ALK: variants seen among roughly 807,000 people sequenced by gnomAD.
The protein encoded by ALK is ALK tyrosine kinase receptor.
A neutral mutation model predicts 163.1 loss-of-function variants in ALK; 74 were observed. That is an observed-to-expected ratio of 0.45 (90% CI 0.38 to 0.55). The LOEUF (loss-of-function observed/expected upper bound fraction) is 0.55. Ranked by LOEUF, ALK falls within the 20% of genes least tolerant of loss-of-function variation. The pLI is 0.00. For synonymous variants in ALK, 960 were observed against 843.2 expected (o/e 1.14, Z -2.40); for missense variants, 2,063 against 2,105.3 (o/e 0.98, Z 0.39).
chr2:29,813,058 G>T (rs1241293823), intron 1 of ALK, among the ~76,000 whole-genome samples: 1 of 152,196 alleles, frequency 6.6e-6, no homozygotes, highest in Non-Finnish European at 1.5e-5. Context: ...GCTCCATTAA[G>T]AGATAAACTT....
intron 7 of ALK, among the ~76,000 whole-genome samples, 199 bp from the exon 8 acceptor site, chr2:29,318,603 G>A (rs909597916): frequency 1.3e-5 from 2 of 148,612 alleles, no homozygotes; most frequent in Non-Finnish European, 3.0e-5. Context: ...GTCTTGCTCT[G>A]TAGCTCAGAC....
chr2:29,607,246 G>A (rs530299661), intron 3 of ALK, among the ~76,000 whole-genome samples: 5 of 152,190 alleles, frequency 3.3e-5, no homozygotes, highest in South Asian at 2.1e-4. Context: ...CCTCCTTGAC[G>A]GGCGTGGTAA....
At chr2:29,915,322 C>T (rs1262159766) in intron 1 of ALK, among the ~76,000 whole-genome samples, 1 of 152,240 alleles carries the variant, frequency 6.6e-6, no homozygotes, top group Non-Finnish European at 1.5e-5. Flanking sequence ...AAACCTCCAA[C>T]TCCCAGGTTC....
intron 3 of ALK, among the ~76,000 whole-genome samples, chr2:29,583,218 A>C (rs1192019017): frequency 3.3e-5 from 5 of 151,904 alleles, no homozygotes; most frequent in Admixed American, 2.0e-4. Flanking sequence ...TGTTCCTTCC[A>C]CTACACTTTG....
chr2:29,818,544 C>G (rs1006425468), intron 1 of ALK, among the ~76,000 whole-genome samples: 1 of 152,274 alleles, frequency 6.6e-6, no homozygotes, highest in Non-Finnish European at 1.5e-5. Context: ...AGCTCTGGAG[C>G]CTCAATCTGC....
At chr2:29,905,956 A>G (rs1480472016) in intron 1 of ALK, among the ~76,000 whole-genome samples, 1 of 152,148 alleles carries the variant, frequency 6.6e-6, no homozygotes, top group African/African-American at 2.4e-5. Flanking sequence ...TTCTCATCTC[A>G]GAGAAGGAGG....
intron 1 of ALK, among the ~76,000 whole-genome samples, chr2:29,900,665 C>T (rs1458144139): frequency 5.3e-5 from 8 of 152,212 alleles, no homozygotes; most frequent in African/African-American, 7.2e-5. Context: ...GCCATCTACA[C>T]GCCCTTGACT....
intron 5 of ALK, among the ~76,000 whole-genome samples, chr2:29,369,919 G>A (rs1452093549): frequency 6.6e-6 from 1 of 152,168 alleles, no homozygotes; most frequent in Non-Finnish European, 1.5e-5. Context: ...GAATAGAATG[G>A]AGAAAAAGGC....
chr2:29,246,265 C>T lies in ALK; in HGVS notation c.2204+4840G>A, dbSNP rs73920752. Among the ~76,000 whole-genome samples the T allele has an allele frequency of 0.012, 1,850 of 151,544 alleles. 33 individuals carry two copies. The highest frequency in any genetic ancestry group is 0.042 in the African/African-American group (1,723 of 41,212). ...AAAGAAGTCAGGGAGAGAGAGGGGG[C>T]GGGCTGGGCTGAGTGCTGGCGCCTC... On this transcript the variant is annotated intron_variant, in intron 12 of 28. Coordinates refer to ENST00000389048, the MANE Select transcript of ALK (RefSeq NM_004304.5). The surrounding 1 kb of genome is among the most constrained non-coding windows in gnomAD (Gnocchi z 4.3).
chr2:29,253,437 A>G (rs574196715), intron 11 of ALK, among the ~76,000 whole-genome samples: 20 of 152,280 alleles, frequency 1.3e-4, no homozygotes, highest in Admixed American at 1.2e-3. Context: ...ACATATTAAA[A>G]GAAGCAAAGG....
intron 3 of ALK, among the ~76,000 whole-genome samples, chr2:29,673,454 T>C (rs1208801394): frequency 3.7e-5 from 5 of 133,938 alleles, no homozygotes; most frequent in Admixed American, 1.5e-4. Context: ...CCATTGCTTG[T>C]TTTTCTCAGG....
chr2:29,314,550 G>A (rs1002011716), intron 8 of ALK, among the ~76,000 whole-genome samples: 2 of 152,042 alleles, frequency 1.3e-5, no homozygotes, highest in Non-Finnish European at 2.9e-5. Flanking sequence ...CTGCAGCTCT[G>A]GCCAGGTAGG....
chr2:29,317,857 G>A (rs1438042083), intron 8 of ALK, among the ~76,000 whole-genome samples: 1 of 152,226 alleles, frequency 6.6e-6, no homozygotes, highest in African/African-American at 2.4e-5. Flanking sequence ...AACCATTTGA[G>A]AGAGTAGTTT....
At chr2:29,426,409 G>C (rs1424924819) in intron 4 of ALK, among the ~76,000 whole-genome samples, 1 of 152,134 alleles carries the variant, frequency 6.6e-6, no homozygotes, top group Non-Finnish European at 1.5e-5. Context: ...AAAGCAGCAA[G>C]AGAAAAATGA....
chr2:29,467,066 C>T (rs1175302007), intron 4 of ALK, among the ~76,000 whole-genome samples: 1 of 152,066 alleles, frequency 6.6e-6, no homozygotes, highest in Non-Finnish European at 1.5e-5. Flanking sequence ...GCTGGCAATA[C>T]CCATTCACCT....
intron 4 of ALK, among the ~76,000 whole-genome samples, chr2:29,475,485 A>T (rs1179858745): frequency 6.6e-6 from 1 of 151,882 alleles, no homozygotes; most frequent in African/African-American, 2.4e-5. Context: ...GAATCCTTCA[A>T]TCTCCAGGTC....
At chr2:29,332,667 T>C (rs1292573553) in intron 5 of ALK, among the ~76,000 whole-genome samples, 3 of 152,234 alleles carry the variant, frequency 2.0e-5, no homozygotes, top group East Asian at 3.8e-4. Context: ...ATAATTTAGG[T>C]TGTATCACAA....
rs541936129 is a variant in ALK at position 29,612,504 on chromosome 2, T to C, written c.953-80388A>G. Among the ~76,000 whole-genome samples, 3 of 152,312 alleles carry C rather than the reference T, an allele frequency of 2.0e-5. No homozygotes were observed. The South Asian group carries it at 6.2e-4, about 32-fold the overall frequency. The stretch of plus-strand genomic sequence containing the variant: ...TTTCTCTCTGTTTCCAAAGTGATCA[T>C]GAGGTCAACTAATGCTCAGCTAAGG... On this transcript the variant is annotated intron_variant, in intron 3 of 28. Coordinates refer to ENST00000389048, the MANE Select transcript of ALK (RefSeq NM_004304.5).
intron 1 of ALK, among the ~76,000 whole-genome samples, chr2:29,901,955 G>A (rs1425961247): frequency 6.6e-6 from 1 of 152,234 alleles, no homozygotes; most frequent in African/African-American, 2.4e-5. Context: ...GAGGGGGAAA[G>A]AGAGAATTAC....
Sources: gnomAD v4.1 joint callset for allele counts (sites outside exome capture counted in the v4.1 genomes callset) on GRCh38, gnomAD v4.1.1 for gene constraint, Gnocchi (gnomAD v3.1) non-coding constraint, MANE v1.5 for transcripts, NCBI Gene and HGNC (gene_info 2026-07-23, HGNC 2026-07-21) for gene names.